The following NPIPB2 variants were observed in gnomAD, a reference collection of about 807,000 sequenced individuals.
NPIPB2 encodes nuclear pore complex-interacting protein family member B2.
A neutral mutation model predicts 30.8 loss-of-function variants in NPIPB2; 27 were observed. That is an observed-to-expected ratio of 0.88 (90% CI 0.65 to 1.21). NPIPB2 has a LOEUF of 1.21. NPIPB2 is among the 50% of genes most tolerant of loss of function. NPIPB2 has a pLI of 0.00. For synonymous variants in NPIPB2, 147 were observed against 162.0 expected (o/e 0.91, Z 0.70); for missense variants, 440 against 446.2 (o/e 0.99, Z 0.13).
At position 11,966,273 on chromosome 16, in the gene NPIPB2, T is replaced by A. The variant is rs1396653889; in HGVS notation, c.-584+10295A>T. 3 of 1,614,028 alleles carry A rather than the reference T, an allele frequency of 1.9e-6. No individual in the cohort carries two copies. The East Asian group carries it at 6.7e-5, about 36-fold the overall frequency. On this transcript the variant is annotated intron_variant, in intron 1 of 5. Coordinates refer to the NPIPB2 transcript ENST00000538896. ...CTGAGCTTAATAATTTCTTTGGCAG[T>A]TTTCGTGCTAATGTTTTTGCTAAGG...
intron 1 of NPIPB2, among the ~76,000 whole-genome samples, chr16:11,969,964 A>G (rs1428268261): frequency 7.1e-6 from 1 of 140,086 alleles, no homozygotes; most frequent in Non-Finnish European, 1.6e-5. Context: ...GGTAGGTTCA[A>G]GAGTCTCCTA....
intron 1 of NPIPB2, among the ~76,000 whole-genome samples, chr16:11,950,562 G>C (rs1295879649): frequency 6.6e-6 from 1 of 152,174 alleles, no homozygotes; most frequent in Non-Finnish European, 1.5e-5. Context: ...GGACGAGAGA[G>C]AGTTTATGCA....
intron 2 of NPIPB2, among the ~76,000 whole-genome samples, chr16:11,937,302 A>AC (rs1284553084): frequency 6.6e-6 from 1 of 152,230 alleles, no homozygotes; most frequent in African/African-American, 2.4e-5. Flanking sequence ...CAAAGGTTAA[A>AC]AAAACTTATT....
At chr16:11,960,548 G>A (rs935099154) in intron 1 of NPIPB2, among the ~76,000 whole-genome samples, 1 of 151,936 alleles carries the variant, frequency 6.6e-6, no homozygotes, top group Admixed American at 6.6e-5. Context: ...GGTGGAGACG[G>A]GGTTTCACCA....
At chr16:11,949,929 C>T (rs1028871187) in intron 1 of NPIPB2, among the ~76,000 whole-genome samples, 42 of 152,230 alleles carry the variant, frequency 2.8e-4, no homozygotes, top group Non-Finnish European at 1.0e-4. Context: ...TCATTGCCAA[C>T]ACTTGTGCCC....
upstream of NPIPB2, among the ~76,000 whole-genome samples, chr16:11,947,040 TTATATATATATATATATATGG>T (rs1206398053): frequency 7.2e-6 from 1 of 139,826 alleles, no homozygotes; most frequent in Non-Finnish European, 1.5e-5. Flanking sequence ...ACTATTTGAA[TTATATATATATATATATATGG>T]TATATATATA....
Position 11,965,199 on chromosome 16 carries a change from A to C in NPIPB2, c.-584+11369T>G, listed in dbSNP as rs1049604913. On this transcript the variant is annotated intron_variant, in intron 1 of 5. Coordinates refer to the NPIPB2 transcript ENST00000538896. ...CAGCCCCCGTAAGAACCCACGAAGC[A>C]GGCGAAGTTCATTGTTCTCAACATT... The C allele has an allele frequency of 1.8e-5, 22 of 1,256,972 alleles. No homozygotes were observed. The Admixed American group carries it at 4.6e-4, about 27-fold the overall frequency. The allele number at this position is 1,256,972 out of a possible 1,614,324, so 77.9% of individuals were successfully genotyped here. A position where few individuals can be genotyped will look rare whatever the true frequency, so the allele number is the denominator to read the frequency against.
intron 4 of NPIPB2, 51 bp from the exon 5 acceptor site, chr16:11,930,602 G>A (rs1322574893): frequency 1.4e-6 from 2 of 1,423,340 alleles, no homozygotes; most frequent in East Asian, 2.5e-5. Flanking sequence ...CAGCCCGTGT[G>A]GGATTCCCTC....
intron 1 of NPIPB2, chr16:11,966,934 T>C (rs1319572357): frequency 1.3e-5 from 2 of 155,414 alleles, no homozygotes; most frequent in African/African-American, 2.4e-5. Flanking sequence ...TTGCTCATGA[T>C]TGGATTCCCA....
upstream of NPIPB2, among the ~76,000 whole-genome samples, chr16:11,943,042 C>T (rs1474649875): frequency 6.6e-6 from 1 of 152,238 alleles, no homozygotes; most frequent in African/African-American, 2.4e-5. Flanking sequence ...AAAACAGGGG[C>T]TGGGTGTGAT....
intron 1 of NPIPB2, among the ~76,000 whole-genome samples, chr16:11,939,169 A>G (rs2054905626): frequency 6.6e-6 from 1 of 150,464 alleles, no homozygotes; most frequent in South Asian, 2.1e-4. Flanking sequence ...CTTGGATTAT[A>G]TGAATCTTTG....
intron 1 of NPIPB2, among the ~76,000 whole-genome samples, chr16:11,964,616 T>C (rs539442102): frequency 1.3e-3 from 191 of 152,312 alleles, no homozygotes; most frequent in Non-Finnish European, 2.1e-3. Context: ...GGTTTCACCA[T>C]GTTGGCCAGG....
intron 1 of NPIPB2, chr16:11,965,461 A>T: frequency 1.2e-6 from 2 of 1,613,708 alleles, no homozygotes; most frequent in South Asian, 1.1e-5. Context: ...GCAAGTAAGT[A>T]ATATTGCTTG....
intron 2 of NPIPB2, 47 bp from the exon 3 acceptor site, chr16:11,933,971 G>T: frequency 5.6e-6 from 8 of 1,440,576 alleles, no homozygotes; most frequent in Non-Finnish European, 7.7e-6. Context: ...GGTGGTTCAT[G>T]CGTATAATCC....
intron 1 of NPIPB2, among the ~76,000 whole-genome samples, chr16:11,964,326 T>C (rs2150938875): frequency 6.6e-6 from 1 of 151,850 alleles, no homozygotes; most frequent in East Asian, 1.9e-4. Flanking sequence ...CTCTCAGCCC[T>C]CTTTCCACGA....
upstream of NPIPB2, among the ~76,000 whole-genome samples, chr16:11,944,220 A>G (rs1464130768): frequency 6.8e-6 from 1 of 147,742 alleles, no homozygotes; most frequent in East Asian, 2.1e-4. Flanking sequence ...CCCAGGTTGG[A>G]ATGCACTATT....
intron 1 of NPIPB2, among the ~76,000 whole-genome samples, chr16:11,947,507 G>C (rs62040820): frequency 6.6e-6 from 1 of 151,186 alleles, no homozygotes; most frequent in African/African-American, 2.4e-5. Flanking sequence ...GCCACGCCCC[G>C]CTAATTTTTT....
intron 1 of NPIPB2, chr16:11,967,130 A>G (rs1286351879): frequency 5.1e-6 from 1 of 194,524 alleles, no homozygotes; most frequent in African/African-American, 2.4e-5. Context: ...CCTCCTGAGT[A>G]ACTGGGACTA....
chr16:11,976,612 G>A (rs897699550), exon 1 of NPIPB2: 12 of 369,150 alleles, frequency 3.3e-5, no homozygotes, highest in South Asian at 1.3e-4. Flanking sequence ...TCTCCACACC[G>A]GGTCCGGCGA....
Sources: allele counts gnomAD v4.1 joint callset (sites outside exome capture counted in the v4.1 genomes callset), GRCh38; gene constraint gnomAD v4.1.1; transcripts MANE v1.5; gene names NCBI Gene and HGNC (gene_info 2026-07-23, HGNC 2026-07-21).